The following ELOVL2 variants were observed in gnomAD, a reference collection of about 807,000 sequenced individuals.
ELOVL2 encodes ELOVL fatty acid elongase 2, also known as very long chain fatty acid elongase 2.
In ELOVL2, 38 loss-of-function variants were observed where a neutral mutation model predicts 37.7. That is an observed-to-expected ratio of 1.01 (90% CI 0.78 to 1.32). The LOEUF is 1.32. ELOVL2 is among the 40% of genes most tolerant of loss of function. The pLI is 0.00. For synonymous variants in ELOVL2, 115 were observed against 122.3 expected, an observed-to-expected ratio of 0.94 and a Z score of 0.40; for missense variants, 352 against 363.6, an observed-to-expected ratio of 0.97 and a Z score of 0.26.
intron 1 of ELOVL2, among the ~76,000 whole-genome samples, chr6:11,019,312 C>A (rs1262006454): frequency 6.6e-6 from 1 of 152,076 alleles, no homozygotes; most frequent in Non-Finnish European, 1.5e-5. Context: ...GACATTTTTT[C>A]CCTCCAGGTT....
chr6:10,989,640 CAA>C (rs5874298), intron 7 of ELOVL2, 61 bp downstream of exon 7: 4,374 of 1,331,158 alleles, frequency 3.3e-3, no homozygotes, highest in South Asian at 4.1e-3. Context: ...ACTCTGTCTC[CAA>C]AAAAAAAAAA....
intron 3 of ELOVL2, among the ~76,000 whole-genome samples, chr6:11,002,558 C>T (rs1326306074): frequency 6.6e-6 from 1 of 152,162 alleles, no homozygotes; most frequent in Non-Finnish European, 1.5e-5. Context: ...TTGAACTGAA[C>T]TAAGTGATTT....
chr6:10,998,338 T>C (rs900367040), intron 4 of ELOVL2, among the ~76,000 whole-genome samples: 1 of 152,240 alleles, frequency 6.6e-6, no homozygotes, highest in African/African-American at 2.4e-5. Flanking sequence ...TTTCTAATTG[T>C]TACCTAAGCA....
rs1431215608 is a variant in ELOVL2, at chr6:10,997,314, C to T, written c.334-2136G>A. Among the ~76,000 whole-genome samples the T allele has an allele frequency of 2.6e-5, 4 of 152,058 alleles. No individual in the cohort carries two copies. In the East Asian group the frequency reaches 5.8e-4, roughly 22 times the overall value. On this transcript the variant is annotated intron_variant, in intron 4 of 7. Coordinates refer to ENST00000354666, the MANE Select transcript of ELOVL2 (RefSeq NM_017770.4). ...TCCTTCTGATAGGGAGACTTTTTAA[C>T]ATAACCATGAAGTCATTCTGTTGTC... is the stretch of plus-strand genomic sequence containing the variant.
chr6:11,007,260 G>A (rs1481863861), intron 2 of ELOVL2, among the ~76,000 whole-genome samples: 2 of 152,212 alleles, frequency 1.3e-5, no homozygotes, highest in South Asian at 4.1e-4. Flanking sequence ...CTAACTCCTG[G>A]TATCTGTGAA....
chr6:10,992,649 C>T (rs894832595), intron 5 of ELOVL2, among the ~76,000 whole-genome samples: 6 of 151,498 alleles, frequency 4.0e-5, no homozygotes, highest in Admixed American at 2.6e-4. Context: ...ATTAGCTGGG[C>T]GTAGTGGCGC....
chr6:11,041,892 T>A (rs1392431431), intron 1 of ELOVL2, among the ~76,000 whole-genome samples: 1 of 152,238 alleles, frequency 6.6e-6, no homozygotes, highest in African/African-American at 2.4e-5. Context: ...CTAGCAGAGA[T>A]ATCTTACAAG....
intron 1 of ELOVL2, among the ~76,000 whole-genome samples, chr6:11,041,141 C>A (rs1783092940): frequency 2.0e-5 from 3 of 152,192 alleles, no homozygotes; most frequent in Non-Finnish European, 2.9e-5. Context: ...AAAGAAGTTT[C>A]TGGTGCAACT....
In ELOVL2 at chr6:11,000,151, G is replaced by A. The variant is rs1161439509; in HGVS notation, c.269C>T (p.Thr90Ile). 1 of 1,614,114 alleles carries A rather than the reference G, an allele frequency of 6.2e-7. No individual in the cohort carries two copies. The highest frequency in any genetic ancestry group is 1.1e-5 in the South Asian group (1 of 91,074). ...CTGTAAGTTGTAGCCTCCTTCCCAAGTGGAGAGAATGAGCTGCCAAAGAAC... is the reference window on the plus strand; with the variant it reads ...CTGTAAGTTGTAGCCTCCTTCCCAAATGGAGAGAATGAGCTGCCAAAGAAC... The part of the protein sequence containing the change: ...AYMLAELILS[T>I]WEGGYNLQCQ... Residue 90 changes from threonine (T) to isoleucine (I), a missense_variant, in exon 4 of 8, where the codon ACT becomes ATT. Physicochemically the swap from Thr to Ile is moderately conservative, Grantham distance 89. Transcript: ENST00000354666.
chr6:11,036,993 G>A (rs573748821), intron 1 of ELOVL2, among the ~76,000 whole-genome samples: 12 of 151,022 alleles, frequency 7.9e-5, no homozygotes, highest in African/African-American at 2.9e-4. Context: ...GAGAGACAGA[G>A]GAGGCAGAGA....
At chr6:11,000,630 T>C (rs1782363889) in intron 3 of ELOVL2, among the ~76,000 whole-genome samples, 1 of 152,196 alleles carries the variant, frequency 6.6e-6, no homozygotes, top group Non-Finnish European at 1.5e-5. Flanking sequence ...TTCAGTAAGG[T>C]TCTTAAACCA....
intron 1 of ELOVL2, among the ~76,000 whole-genome samples, chr6:11,027,234 C>G (rs1016225521): frequency 2.4e-4 from 36 of 152,192 alleles, no homozygotes; most frequent in Non-Finnish European, 1.0e-4. Context: ...AAATTCACTT[C>G]CCATCACACA....
chr6:11,017,576 T>C (rs549142546), intron 1 of ELOVL2, among the ~76,000 whole-genome samples: 12 of 152,324 alleles, frequency 7.9e-5, no homozygotes, highest in African/African-American at 2.9e-4. Context: ...TGCAGTTTGG[T>C]TATGCTCCAC....
rs1782239650 is a variant in ELOVL2, at chr6:10,995,061, C to A, written c.451G>T (p.Ala151Ser). The A allele has an allele frequency of 1.2e-6, 2 of 1,613,252 alleles. No homozygotes were observed. The highest frequency in any genetic ancestry group is 1.7e-6 in the Non-Finnish European group (2 of 1,179,486). Residue 151 changes from alanine (A) to serine (S), a missense_variant, in exon 5 of 8, where the codon GCT (alanine) becomes TCT (serine). Physicochemically the swap from Ala to Ser is moderately conservative, Grantham distance 99 (BLOSUM62 1). Transcript: ENST00000354666. ...QITFLHVYHH[A>S]SMFNIWWCVL... ...CACCACCAGATGTTAAACATAGAAG[C>A]ATGATGATATACATGAAGAAAAGTA...
chr6:10,985,022 C>A (rs539824596), intron 7 of ELOVL2, among the ~76,000 whole-genome samples: 81 of 152,232 alleles, frequency 5.3e-4, no homozygotes, highest in African/African-American at 2.0e-3. Context: ...CTCTCCAGCA[C>A]CTGTTGTTTC....
intron 1 of ELOVL2, among the ~76,000 whole-genome samples, chr6:11,029,353 T>C (rs1387027400): frequency 6.6e-6 from 1 of 152,118 alleles, no homozygotes; most frequent in Non-Finnish European, 1.5e-5. Context: ...GGCCAAATGT[T>C]ATCTTTGAAC....
In ELOVL2 at chr6:10,980,923, CAAGG is replaced by C. The variant is rs1322164058; in HGVS notation, c.*2854_*2857del. On this transcript the variant is annotated 3_prime_UTR_variant, in exon 8 of 8. Transcript: ENST00000354666. ...CAAAGCGATATCCATATTTTCCAAA[CAAGG>C]AAGCCCCCAGACACATTTATGAACG... 6.6e-6 allele frequency: 1 copy of C among 152,534 alleles called. No homozygotes were observed. Among genetic ancestry groups the C allele is most frequent in the Non-Finnish European group, 1.5e-5 (1 of 68,032 alleles). 9.4% of individuals were successfully genotyped at this position (152,534 alleles called of 1,614,324 possible). A position where few individuals can be genotyped will look rare whatever the true frequency, so the allele number is the denominator to read the frequency against.
intron 1 of ELOVL2, among the ~76,000 whole-genome samples, chr6:11,035,023 A>T (rs528183894): frequency 6.6e-6 from 1 of 152,148 alleles, no homozygotes; most frequent in African/African-American, 2.4e-5. Context: ...AAATAAATAA[A>T]TAAAATAATA....
At chr6:11,001,465 T>C (rs76492910) in intron 3 of ELOVL2, among the ~76,000 whole-genome samples, 1,637 of 152,214 alleles carry the variant, frequency 0.011, 25 homozygotes, top group African/African-American at 0.036. Flanking sequence ...AAACTACATA[T>C]AAATTTTGGT....
Sources: gnomAD v4.1 joint callset for allele counts (sites outside exome capture counted in the v4.1 genomes callset) on GRCh38, gnomAD v4.1.1 for gene constraint, MANE v1.5 for transcripts, NCBI Gene and HGNC (gene_info 2026-07-23, HGNC 2026-07-21) for gene names.